The following PSG6 variants were observed in gnomAD, a reference collection of about 807,000 sequenced individuals.
The protein encoded by PSG6 is pregnancy-specific beta-1-glycoprotein 6.
Under a neutral mutation model 43.3 loss-of-function variants are expected in PSG6, and 51 were observed. The observed-to-expected ratio is 1.18, with a 90% CI of 0.94 to 1.49. The LOEUF (loss-of-function observed/expected upper bound fraction) is 1.49, where lower values mean the gene tolerates loss of function less well. Ranked by LOEUF, PSG6 falls within the 40% of genes most tolerant of loss-of-function variation. The pLI is 0.00. For missense variants in PSG6, 770 were observed against 522.2 expected, an observed-to-expected ratio of 1.47 and a Z score of -4.62; for synonymous variants, 292 against 197.6, an observed-to-expected ratio of 1.48 and a Z score of -4.01.
intron 2 of PSG6, among the ~76,000 whole-genome samples, chr19:42,913,139 G>A (rs1260726972): frequency 6.6e-6 from 1 of 151,392 alleles, no homozygotes; most frequent in Admixed American, 6.6e-5. Flanking sequence ...AGCATCAAAA[G>A]CATTCTTCAT....
Position 42,907,764 on chromosome 19 carries a change from C to T in PSG6, c.797G>A (p.Arg266Gln), listed in dbSNP as rs564955936. Residue 266 changes from arginine to glutamine, a missense_variant, in exon 4 of 6, where the codon CGG becomes CAG. Arg to Gln is a conservative substitution (Grantham distance 43, BLOSUM62 1). Transcript: ENST00000187910. ...VLAFTCEPKS[R>Q]NYTYIWWLNG... is the part of the protein sequence containing the mutation. ...TAGCCACCAAATGTAGGTGTAGTTC[C>T]GACTCTTAGGTTCACAGGTGAAGGC... 142 of 1,610,800 alleles carry T rather than the reference C, an allele frequency of 8.8e-5. 6 individuals are homozygous for T. Among genetic ancestry groups the T allele is most frequent in the Admixed American group, 2.3e-4 (14 of 59,878 alleles).
chr19:42,903,549 T>G, intron 5 of PSG6: 1 of 1,350,514 alleles, frequency 7.4e-7, no homozygotes, highest in East Asian at 2.8e-5. Flanking sequence ...AACCATTAAC[T>G]AGATTGGCTA....
intron 3 of PSG6, 75 bp from the exon 4 acceptor site, chr19:42,907,929 A>G: frequency 4.5e-6 from 7 of 1,570,264 alleles, no homozygotes; most frequent in Admixed American, 3.4e-5. Flanking sequence ...CAGAGTTGGC[A>G]TCTCCCACCT....
chr19:42,911,087 G>A (rs1237932295), intron 2 of PSG6, among the ~76,000 whole-genome samples: 1 of 151,556 alleles, frequency 6.6e-6, no homozygotes, highest in African/African-American at 2.4e-5. Flanking sequence ...TGTGAATTGA[G>A]CAGCAGCATT....
rs1022292495 is a variant in PSG6 at position 42,911,454 on chromosome 19, C to G, written c.428-596G>C. The stretch of plus-strand genomic sequence containing the variant: ...TGGAGCCACAAGGTGGGGCAGTTTT[C>G]CAGGTGTCTCATAGTGACTGAGTTG... On this transcript the variant is annotated intron_variant, in intron 2 of 5. Transcript: ENST00000187910. 2.7e-4 allele frequency among the ~76,000 whole-genome samples: 38 copies of G among 142,378 alleles called. 1 individual carries two copies. The highest frequency in any genetic ancestry group is 1.2e-3 in the African/African-American group (38 of 32,786). 93.4% of individuals were successfully genotyped at this position (142,378 alleles called of 152,430 possible). A position where few individuals can be genotyped will look rare whatever the true frequency, so the allele number is the denominator to read the frequency against.
At chr19:42,917,576 A>G (rs57975345) in intron 1 of PSG6, among the ~76,000 whole-genome samples, 153 bp downstream of exon 1, 20,391 of 150,642 alleles carry the variant, frequency 0.14, 1,805 homozygotes, top group Admixed American at 0.18. Context: ...TGTTGGCCAG[A>G]CTGATCTTGA....
At chr19:42,907,278 C>T (rs1972132983) in intron 4 of PSG6, 102 bp from the exon 5 acceptor site, 1 of 1,518,394 alleles carries the variant, frequency 6.6e-7, no homozygotes, top group South Asian at 1.3e-5. Context: ...AAGACACAAC[C>T]TCAAGTGACA....
chr19:42,910,837 A>G lies in PSG6; in HGVS notation c.449T>C (p.Ile150Thr), dbSNP rs767832252. The part of the protein sequence containing the change: ...TLYSETPKPS[I>T]SSSNLNPREV... ...CCTGGGGTTTAAGTTGCTGCTGGAG[A>G]TGGAGGGCTTGGGAGTCTCCGCTGT... The change falls in exon 3 of 6, where the codon ATC (isoleucine) becomes ACC (threonine). Residue 150 changes from isoleucine (I) to threonine (T), a missense_variant. Ile to Thr is a moderately conservative substitution (Grantham distance 89). Coordinates refer to ENST00000187910, the MANE Select transcript of PSG6 (RefSeq NM_001031850.4). 2.5e-5 allele frequency: 41 copies of G among 1,611,306 alleles called. 1 individual carries two copies. Among genetic ancestry groups the G allele is most frequent in the Non-Finnish European group, 3.3e-5 (39 of 1,178,696 alleles).
chr19:42,914,508 G>A (rs1972286001), intron 2 of PSG6, among the ~76,000 whole-genome samples: 2 of 143,290 alleles, frequency 1.4e-5, no homozygotes, highest in South Asian at 5.2e-4. Context: ...CCAGGGACCA[G>A]GTGCCCCCAG....
rs375686772 is a variant in PSG6, at chr19:42,907,535, A to C, written c.985+41T>G. On this transcript the variant is annotated intron_variant, in intron 4 of 5. Transcript: ENST00000187910. The stretch of plus-strand genomic sequence containing the variant: ...GCCTGGCCTCTGGTCGTTTGGAGTT[A>C]AGCTGGTGTCCTGGCCCACAGAGGA... 1.7e-5 allele frequency: 27 copies of C among 1,607,928 alleles called. 2 individuals carry two copies. The highest frequency in any genetic ancestry group is 2.3e-5 in the Non-Finnish European group (27 of 1,177,036).
chr19:42,908,281 T>C (rs1004571329), intron 3 of PSG6, among the ~76,000 whole-genome samples: 1 of 151,648 alleles, frequency 6.6e-6, no homozygotes, highest in African/African-American at 2.4e-5. Flanking sequence ...CCAAGGACAT[T>C]CTAGAGATGA....
chr19:42,903,651 A>C (rs1206849036), intron 5 of PSG6: 18 of 1,522,644 alleles, frequency 1.2e-5, no homozygotes, highest in Non-Finnish European at 1.6e-5. Flanking sequence ...GCACTTTGGG[A>C]GGTCACAGCA....
chr19:42,903,822 G>A (rs1412937128), intron 5 of PSG6: 3 of 1,394,470 alleles, frequency 2.2e-6, no homozygotes, highest in Non-Finnish European at 1.9e-6. Flanking sequence ...GAGCCCAGGA[G>A]GTTGAGGCTG....
chr19:42,912,232 T>C (rs1972241066), intron 2 of PSG6, among the ~76,000 whole-genome samples: 2 of 151,620 alleles, frequency 1.3e-5, no homozygotes, highest in Admixed American at 6.6e-5. Flanking sequence ...ATGCTCAATT[T>C]GTAATACTGT....
At chr19:42,912,083 T>C (rs1972238142) in intron 2 of PSG6, among the ~76,000 whole-genome samples, 1 of 151,674 alleles carries the variant, frequency 6.6e-6, no homozygotes, top group African/African-American at 2.4e-5. Context: ...ATATTTGCAG[T>C]ATATGTACTG....
chr19:42,907,472 T>G (rs534045783), intron 4 of PSG6, 104 bp downstream of exon 4: 7 of 1,560,178 alleles, frequency 4.5e-6, no homozygotes, highest in Middle Eastern at 2.3e-4. Context: ...TGTCCAGAAG[T>G]AAAGTTGTCT....
chr19:42,903,245 A>G (rs1425763300), intron 5 of PSG6, among the ~76,000 whole-genome samples: 1 of 151,640 alleles, frequency 6.6e-6, no homozygotes, highest in Non-Finnish European at 1.5e-5. Flanking sequence ...TGGTATGAAG[A>G]AAGTACTCTT....
chr19:42,908,356 G>A (rs568195142), intron 3 of PSG6, among the ~76,000 whole-genome samples: 1 of 151,876 alleles, frequency 6.6e-6, no homozygotes, highest in South Asian at 2.1e-4. Flanking sequence ...CCTGGGACTG[G>A]ATGTTTCAGC....
chr19:42,911,444 G>A (rs954437927), intron 2 of PSG6, among the ~76,000 whole-genome samples: 2 of 150,610 alleles, frequency 1.3e-5, no homozygotes, highest in African/African-American at 5.0e-5. Context: ...CCACAAGGTG[G>A]GGCAGTTTTC....
Sources: allele counts gnomAD v4.1 joint callset (sites outside exome capture counted in the v4.1 genomes callset), GRCh38; gene constraint gnomAD v4.1.1; transcripts MANE v1.5; gene names NCBI Gene and HGNC (gene_info 2026-07-23, HGNC 2026-07-21).